The following SH3D19 variants were observed in gnomAD, a reference collection of about 807,000 sequenced individuals.
The protein encoded by SH3D19 is SH3 domain containing 19.
A neutral mutation model predicts 112.1 loss-of-function variants in SH3D19; 58 were observed. The observed-to-expected ratio is 0.52, with a 90% CI of 0.42 to 0.64. SH3D19 has a LOEUF of 0.64. Among genes scored for constraint, SH3D19 ranks in the 30% least tolerant of loss-of-function variants. The pLI is 0.00. For missense variants in SH3D19, 1,090 were observed against 1,263.4 expected, an observed-to-expected ratio of 0.86 and a Z score of 2.08; for synonymous variants, 391 against 448.5, an observed-to-expected ratio of 0.87 and a Z score of 1.62.
intron 2 of SH3D19, among the ~76,000 whole-genome samples, chr4:151,212,454 T>C (rs115238160): frequency 1.6e-4 from 24 of 152,320 alleles, no homozygotes; most frequent in African/African-American, 4.3e-4. Context: ...ATTTACCATG[T>C]TGAAACTCCT....
At chr4:151,198,401 T>C (rs1387823644) in intron 2 of SH3D19, among the ~76,000 whole-genome samples, 1 of 142,846 alleles carries the variant, frequency 7.0e-6, no homozygotes, top group African/African-American at 2.6e-5. Flanking sequence ...ATATATATCA[T>C]ATATTATATA....
In SH3D19 at chr4:151,175,569, G is replaced by A. The variant is rs1759811481; in HGVS notation, c.635C>T (p.Pro212Leu). 7.4e-7 allele frequency: 1 copy of A among 1,345,908 alleles called. No individual in the cohort carries two copies. The highest frequency in any genetic ancestry group is 2.7e-5 in the East Asian group (1 of 36,400). 83.4% of individuals were successfully genotyped at this position (1,345,908 alleles called of 1,614,324 possible). A position where few individuals can be genotyped will look rare whatever the true frequency, so the allele number is the denominator to read the frequency against. Reference protein sequence around the residue: ...PLIVFDISEEPNCPENPSATR... With the variant: ...PLIVFDISEELNCPENPSATR... ...AGCACTGGGGTTTTCTGGACAATTC[G>A]GTTCTTCAGAAATATCAAAGACGAT... Residue 212 changes from proline to leucine, a missense_variant, in exon 7 of 20, where the codon CCG becomes CTG. Pro to Leu is a moderately conservative substitution (Grantham distance 98). Coordinates refer to ENST00000604030, the MANE Select transcript of SH3D19 (RefSeq NM_001378122.1).
At position 151,143,958 on chromosome 4, in the gene SH3D19, T is replaced by C. The variant is rs777908658; in HGVS notation, c.2175A>G (p.Gln725=). The change falls in exon 12 of 20, where the codon CAA becomes CAG. Residue 725 remains glutamine (Q), a synonymous_variant. Transcript: ENST00000604030. The stretch of plus-strand genomic sequence containing the variant: ...CATCAAGTGGAGTGATAATCTTCAT[T>C]TGAGACAGGTGAACTCTGCCAGTGT... ...GEDTGRVHLS[Q]MKIITPLDEH... 1 of 1,614,078 alleles carries C rather than the reference T, an allele frequency of 6.2e-7. No homozygotes were observed. The highest frequency in any genetic ancestry group is 1.1e-5 in the South Asian group (1 of 91,034).
intron 8 of SH3D19, among the ~76,000 whole-genome samples, chr4:151,160,087 CTT>C (rs1203320024): frequency 2.1e-4 from 29 of 137,468 alleles, no homozygotes; most frequent in Middle Eastern, 3.4e-3. Context: ...TGTTTTATTT[CTT>C]TTTTTTTTTT....
chr4:151,310,765 T>G (rs28872211), intron 1 of SH3D19, among the ~76,000 whole-genome samples: 1,527 of 151,266 alleles, frequency 0.01, 26 homozygotes, highest in African/African-American at 0.034. Flanking sequence ...AGAGACGGGG[T>G]TTCACCATGT....
At chr4:151,289,213 C>T (rs1485529940) in intron 1 of SH3D19, among the ~76,000 whole-genome samples, 1 of 152,140 alleles carries the variant, frequency 6.6e-6, no homozygotes, top group East Asian at 1.9e-4. Flanking sequence ...ACCCTGACCT[C>T]GCCATATAAC....
chr4:151,297,261 C>A (rs1432055987), intron 1 of SH3D19, among the ~76,000 whole-genome samples: 1 of 152,222 alleles, frequency 6.6e-6, no homozygotes, highest in Admixed American at 6.5e-5. Flanking sequence ...CCTCAACCAA[C>A]CTAAATTCTC....
At chr4:151,208,354 C>T (rs1449851833) in intron 2 of SH3D19, among the ~76,000 whole-genome samples, 1 of 152,116 alleles carries the variant, frequency 6.6e-6, no homozygotes, top group Non-Finnish European at 1.5e-5. Context: ...TAAATATTTC[C>T]CTGCAATAAA....
At chr4:151,131,717 T>G (rs1750756244) in intron 17 of SH3D19, among the ~76,000 whole-genome samples, 2 of 152,158 alleles carry the variant, frequency 1.3e-5, no homozygotes, top group Admixed American at 1.3e-4. Context: ...CTCGATCCCC[T>G]GACCTCATGA....
At chr4:151,263,763 A>G in intron 1 of SH3D19, among the ~76,000 whole-genome samples, 1 of 151,374 alleles carries the variant, frequency 6.6e-6, no homozygotes, top group East Asian at 1.9e-4. Context: ...AGAGCAATAG[A>G]GAACACCCAA....
At chr4:151,175,854 T>C (rs1294868863) in intron 6 of SH3D19, among the ~76,000 whole-genome samples, 180 bp from the exon 7 acceptor site, 2 of 152,056 alleles carry the variant, frequency 1.3e-5, no homozygotes, top group African/African-American at 4.8e-5. Context: ...CTGTTTCCTG[T>C]AGGAGTGCTC....
intron 1 of SH3D19, among the ~76,000 whole-genome samples, chr4:151,321,902 T>C (rs1730564245): frequency 6.6e-6 from 1 of 152,236 alleles, no homozygotes; most frequent in Non-Finnish European, 1.5e-5. Flanking sequence ...TTGTTTGTAA[T>C]GGGCATTTGG....
intron 1 of SH3D19, chr4:151,283,046 C>T: frequency 7.0e-7 from 1 of 1,435,926 alleles, no homozygotes; most frequent in Middle Eastern, 1.8e-4. Context: ...GACTTCTGCA[C>T]ATCATGACTG....
At chr4:151,227,141 A>G (rs927720383) in intron 1 of SH3D19, among the ~76,000 whole-genome samples, 7 of 152,224 alleles carry the variant, frequency 4.6e-5, no homozygotes, top group African/African-American at 1.7e-4. Context: ...GATAGAATTT[A>G]ATGGCAACGT....
chr4:151,150,268 T>C (rs1238098187), intron 9 of SH3D19, among the ~76,000 whole-genome samples: 13 of 123,520 alleles, frequency 1.1e-4, no homozygotes, highest in South Asian at 2.7e-4. Flanking sequence ...TATATATACA[T>C]ATATATACAC....
intron 1 of SH3D19, chr4:151,283,265 A>G: frequency 6.2e-7 from 1 of 1,613,656 alleles, no homozygotes; most frequent in South Asian, 1.1e-5. Context: ...GTGATACTCA[A>G]AACATGAAGG....
At chr4:151,195,506 C>T (rs963790107) in intron 2 of SH3D19, among the ~76,000 whole-genome samples, 1 of 152,004 alleles carries the variant, frequency 6.6e-6, no homozygotes, top group African/African-American at 2.4e-5. Flanking sequence ...TAGGACATGG[C>T]CCCTGCCCAT....
chr4:151,214,971 G>C lies in SH3D19; in HGVS notation c.152+11076C>G, dbSNP rs569996493. Reference sequence around the variant, plus strand: ...TTCTCAGATGGGGCGGCTGGGCAGAGACGCTCCTCACCTCCCAGACGGGGT... The same window carrying C: ...TTCTCAGATGGGGCGGCTGGGCAGACACGCTCCTCACCTCCCAGACGGGGT... On this transcript the variant is annotated intron_variant, in intron 2 of 19. Coordinates refer to ENST00000604030, the MANE Select transcript of SH3D19 (RefSeq NM_001378122.1). 5.8e-4 allele frequency among the ~76,000 whole-genome samples: 86 copies of C among 148,238 alleles called. 1 individual carries two copies. In the South Asian group the frequency reaches 0.018, roughly 31 times the overall value.
chr4:151,274,679 T>A (rs1432831186), intron 1 of SH3D19, among the ~76,000 whole-genome samples: 4 of 152,356 alleles, frequency 2.6e-5, no homozygotes, highest in African/African-American at 9.6e-5. Context: ...GGTTGTCCTA[T>A]GGCAGCTCCA....
Sources: gnomAD v4.1 joint callset for allele counts (sites outside exome capture counted in the v4.1 genomes callset) on GRCh38, gnomAD v4.1.1 for gene constraint, MANE v1.5 for transcripts, NCBI Gene and HGNC (gene_info 2026-07-23, HGNC 2026-07-21) for gene names.